Variants in SLBP observed in about 807,000 individuals in gnomAD.
SLBP encodes the protein stem-loop histone mRNA binding protein.
Under a neutral mutation model 39.2 loss-of-function variants are expected in SLBP, and 29 were observed. That is an observed-to-expected ratio of 0.74 (90% CI 0.55 to 1.01). The LOEUF (loss-of-function observed/expected upper bound fraction) is 1.01. SLBP is among the 50% of genes least tolerant of loss of function. SLBP has a pLI of 0.00. For synonymous variants in SLBP, 129 were observed against 118.7 expected, an observed-to-expected ratio of 1.09 and a Z score of -0.57; for missense variants, 390 against 350.2, an observed-to-expected ratio of 1.11 and a Z score of -0.91.
chr4:1,709,837 T>A (rs1265725783), intron 2 of SLBP, among the ~76,000 whole-genome samples: 1 of 152,214 alleles, frequency 6.6e-6, no homozygotes, highest in Non-Finnish European at 1.5e-5. Flanking sequence ...GGTCTCCATC[T>A]CCTGACCTCG....
At chr4:1,699,394 G>C (rs1394134269) in intron 5 of SLBP, among the ~76,000 whole-genome samples, 170 bp downstream of exon 5, 1 of 152,082 alleles carries the variant, frequency 6.6e-6, no homozygotes, top group African/African-American at 2.4e-5. Flanking sequence ...TAGTTTTCCA[G>C]TTGCCAATCC....
intron 5 of SLBP, 38 bp from the exon 6 acceptor site, chr4:1,696,389 C>T: frequency 6.7e-7 from 1 of 1,483,238 alleles, no homozygotes; most frequent in Non-Finnish European, 9.0e-7. Flanking sequence ...TGCCCACATG[C>T]CACTCACATT....
intron 2 of SLBP, among the ~76,000 whole-genome samples, chr4:1,706,448 G>A (rs1334469786): frequency 6.6e-6 from 1 of 152,190 alleles, no homozygotes; most frequent in African/African-American, 2.4e-5. Flanking sequence ...TACCCCCTGT[G>A]CTTGAGTTAA....
rs182093232 is a variant in SLBP at position 1,709,307 on chromosome 4, G to A, written c.176+2567C>T. On this transcript the variant is annotated intron_variant, in intron 2 of 7. Coordinates refer to ENST00000489418, the MANE Select transcript of SLBP (RefSeq NM_006527.4). Reference sequence around the variant, plus strand: ...CTGTATAAGCTGGCCATAAAAATATGGCACAGTAAGTTGTGAAAAGCCACA... The same window carrying A: ...CTGTATAAGCTGGCCATAAAAATATAGCACAGTAAGTTGTGAAAAGCCACA... 5.2e-3 allele frequency among the ~76,000 whole-genome samples: 793 copies of A among 152,284 alleles called. 24 individuals carry two copies. The highest frequency in any genetic ancestry group is 0.036 in the Admixed American group (549 of 15,290).
chr4:1,693,892 A>G (rs1716009485), intron 7 of SLBP, among the ~76,000 whole-genome samples, 179 bp from the exon 8 acceptor site: 2 of 152,056 alleles, frequency 1.3e-5, no homozygotes, highest in Admixed American at 6.6e-5. Flanking sequence ...CACATGTACC[A>G]TTTACAAGAC....
intron 2 of SLBP, among the ~76,000 whole-genome samples, chr4:1,705,531 C>T (rs1716485263): frequency 6.6e-6 from 1 of 152,168 alleles, no homozygotes; most frequent in South Asian, 2.1e-4. Context: ...GTCTTTAGTT[C>T]TGAATTATCT....
chr4:1,695,738 G>A lies in SLBP; in HGVS notation c.629+464C>T, dbSNP rs1339354839. On this transcript the variant is annotated intron_variant, in intron 6 of 7. Coordinates refer to ENST00000489418, the MANE Select transcript of SLBP (RefSeq NM_006527.4). ...GAAGGTTGCAGTGAGCCGGGATCAC[G>A]CCACTGCACTCCAGCCTCGGTGACA... is the stretch of plus-strand genomic sequence containing the variant. Among the ~76,000 whole-genome samples, 6 of 151,482 alleles carry A rather than the reference G, an allele frequency of 4.0e-5. No homozygotes were observed. In the East Asian group the frequency reaches 5.8e-4, roughly 15 times the overall value.
At chr4:1,709,864 T>C (rs1224049130) in intron 2 of SLBP, among the ~76,000 whole-genome samples, 1 of 152,216 alleles carries the variant, frequency 6.6e-6, no homozygotes, top group Non-Finnish European at 1.5e-5. Context: ...ACCCGCCTTT[T>C]GCCAAGGCGC....
At chr4:1,701,857 A>C (rs1716342103) in intron 3 of SLBP, among the ~76,000 whole-genome samples, 1 of 152,174 alleles carries the variant, frequency 6.6e-6, no homozygotes, top group Non-Finnish European at 1.5e-5. Context: ...CAGTGAGCTG[A>C]GATTGCATCA....
intron 6 of SLBP, among the ~76,000 whole-genome samples, 153 bp from the exon 7 acceptor site, chr4:1,694,993 C>T (rs907924704): frequency 6.6e-6 from 1 of 152,182 alleles, no homozygotes; most frequent in Non-Finnish European, 1.5e-5. Flanking sequence ...GACTATTTGA[C>T]AGACTTAATC....
At chr4:1,708,874 CTA>C (rs1365428275) in intron 2 of SLBP, among the ~76,000 whole-genome samples, 5 of 152,182 alleles carry the variant, frequency 3.3e-5, no homozygotes, top group Non-Finnish European at 7.4e-5. Context: ...AGAAGCATTC[CTA>C]TAGTTTGAGG....
rs1716229844 is a variant in SLBP, at chr4:1,699,060, T to A, written c.479+504A>T. On this transcript the variant is annotated intron_variant, in intron 5 of 7. Transcript: ENST00000489418. ...TCCCAAAGTGCTGGAATTACAAGCA[T>A]GAGCCATTGCACCTGGCCCAGAAAT... Among the ~76,000 whole-genome samples the A allele has an allele frequency of 2.0e-5, 3 of 152,176 alleles. No individual in the cohort carries two copies. In the South Asian group the frequency reaches 6.2e-4, roughly 32 times the overall value.
intron 2 of SLBP, among the ~76,000 whole-genome samples, chr4:1,711,559 G>T (rs1209073038): frequency 6.6e-6 from 1 of 152,200 alleles, no homozygotes. Flanking sequence ...GGGTGTCCCT[G>T]ACTTCCACGT....
At chr4:1,704,406 A>T (rs1716442046) in intron 2 of SLBP, among the ~76,000 whole-genome samples, 1 of 152,034 alleles carries the variant, frequency 6.6e-6, no homozygotes, top group South Asian at 2.1e-4. Flanking sequence ...CAGAGAGTGT[A>T]GAGTTTCCCA....
intron 2 of SLBP, among the ~76,000 whole-genome samples, chr4:1,710,326 C>G (rs1716701875): frequency 6.6e-6 from 1 of 152,242 alleles, no homozygotes; most frequent in African/African-American, 2.4e-5. Context: ...CACAACTTCC[C>G]ATGCCTAGCT....
At chr4:1,710,722 G>A (rs1319247590) in intron 2 of SLBP, among the ~76,000 whole-genome samples, 2 of 151,850 alleles carry the variant, frequency 1.3e-5, no homozygotes, top group African/African-American at 4.8e-5. Flanking sequence ...ATTTAATCTT[G>A]TATCTGTAGG....
chr4:1,711,727 G>C (rs1308473182), intron 2 of SLBP, 147 bp downstream of exon 2: 4 of 417,908 alleles, frequency 9.6e-6, no homozygotes, highest in African/African-American at 6.2e-5. Context: ...GGCCGCCCCA[G>C]TCCACGGGCC....
intron 2 of SLBP, among the ~76,000 whole-genome samples, chr4:1,710,627 A>G (rs1452706627): frequency 6.6e-6 from 1 of 152,230 alleles, no homozygotes; most frequent in Admixed American, 6.5e-5. Context: ...AGAGAAAAGG[A>G]GCAGGTAGGG....
chr4:1,712,246 C>T lies in SLBP; in HGVS notation c.-58G>A, dbSNP rs1049653160. On this transcript the variant is annotated 5_prime_UTR_variant, in exon 1 of 8. Coordinates refer to ENST00000489418, the MANE Select transcript of SLBP (RefSeq NM_006527.4). ...GAGGCTGAGGCGGCGGCGGCGCGGG[C>T]AGAGAGCGCAGAGTAGAGCAGGGCA... The T allele has an allele frequency of 9.3e-6, 10 of 1,071,510 alleles. No individual in the cohort carries two copies. The highest frequency in any genetic ancestry group is 1.1e-5 in the Non-Finnish European group (9 of 823,968). The allele number at this position is 1,071,510 out of a possible 1,614,324, so 66.4% of individuals were successfully genotyped here.
Sources: gnomAD v4.1 joint callset for allele counts (sites outside exome capture counted in the v4.1 genomes callset) on GRCh38, gnomAD v4.1.1 for gene constraint, MANE v1.5 for transcripts, NCBI Gene and HGNC (gene_info 2026-07-23, HGNC 2026-07-21) for gene names.